The following PBRM1 variants were observed in gnomAD, a reference collection of about 807,000 sequenced individuals.
The protein encoded by PBRM1 is polybromo 1, also known as protein polybromo-1.
PBRM1 carries 27 observed loss-of-function variants against 194.5 expected under a neutral mutation model. The observed-to-expected ratio is 0.14, with a 90% CI of 0.10 to 0.19. PBRM1 has a LOEUF of 0.19. PBRM1 is among the 10% of genes least tolerant of loss of function. PBRM1 has a pLI of 1.00. For synonymous variants in PBRM1, 655 were observed against 693.2 expected, an observed-to-expected ratio of 0.94 and a Z score of 0.87; for missense variants, 1,466 against 2,077.2, an observed-to-expected ratio of 0.71 and a Z score of 5.72.
At position 52,627,269 on chromosome 3, in the gene PBRM1, A is replaced by G; in HGVS notation, c.1541+4T>C. 1 of 1,541,374 alleles carries G rather than the reference A, an allele frequency of 6.5e-7. No homozygotes were observed. The highest frequency in any genetic ancestry group is 9.0e-7 in the Non-Finnish European group (1 of 1,113,606). On this transcript the variant is annotated splice_donor_region_variant and intron_variant, in intron 13 of 29. Transcript: ENST00000296302. ...ATGTCCCCAGCTATAAGAAGAGTAT[A>G]TACCTTTTTCTTTTGGCACTACCAG... is the stretch of plus-strand genomic sequence containing the variant.
intron 22 of PBRM1, among the ~76,000 whole-genome samples, chr3:52,575,595 C>A (rs894861041): frequency 4.3e-5 from 2 of 46,998 alleles, no homozygotes; most frequent in African/African-American, 1.9e-4. Context: ...CTCACTGCAG[C>A]CTCTGCCTCT....
exon 30 of PBRM1, chr3:52,548,050 C>A: frequency 1.3e-6 from 2 of 1,596,634 alleles, no homozygotes; most frequent in African/African-American, 2.7e-5. Context: ...ATAAAAGAAA[C>A]GTAATGATGT....
chr3:52,632,903 G>A (rs963005567), intron 11 of PBRM1, among the ~76,000 whole-genome samples: 8 of 151,824 alleles, frequency 5.3e-5, no homozygotes, highest in East Asian at 1.9e-4. Flanking sequence ...AATGTTGGCC[G>A]GGCTAATCTC....
At chr3:52,627,964 G>A (rs536151241) in intron 12 of PBRM1, among the ~76,000 whole-genome samples, 10 of 152,168 alleles carry the variant, frequency 6.6e-5, no homozygotes, top group African/African-American at 1.9e-4. Context: ...TGCCTTTGTT[G>A]CTTCATTGTT....
At chr3:52,576,777 A>G in intron 21 of PBRM1, 79 bp from the exon 24 acceptor site, 1 of 1,090,056 alleles carries the variant, frequency 9.2e-7, no homozygotes, top group Non-Finnish European at 1.3e-6. Context: ...CGCATTAACC[A>G]AAAACTTAGT....
intron 12 of PBRM1, among the ~76,000 whole-genome samples, chr3:52,628,406 TAATA>T (rs993601808): frequency 1.3e-4 from 19 of 148,838 alleles, no homozygotes; most frequent in South Asian, 1.3e-3. Context: ...ATGAAATACA[TAATA>T]AATATATATT....
intron 17 of PBRM1, among the ~76,000 whole-genome samples, chr3:52,594,609 T>C (rs970790595): frequency 1.3e-5 from 2 of 152,216 alleles, no homozygotes; most frequent in Non-Finnish European, 2.9e-5. Context: ...TTGATATGTA[T>C]GGATCTGATC....
chr3:52,573,669 G>A (rs12632381), intron 22 of PBRM1, among the ~76,000 whole-genome samples: 51,185 of 151,890 alleles, frequency 0.34, 9,579 homozygotes, highest in Admixed American at 0.46. Context: ...TGGAGGAGTA[G>A]TGAGCTCTAA....
intron 10 of PBRM1, among the ~76,000 whole-genome samples, chr3:52,640,762 C>G (rs955339026): frequency 6.6e-6 from 1 of 151,952 alleles, no homozygotes; most frequent in Non-Finnish European, 1.5e-5. Flanking sequence ...CTAAGCCTTC[C>G]GAGTAGCTGA....
rs2096983145 is a variant in PBRM1, at chr3:52,672,909, G to GT, written c.237-4265dup. 4.6e-5 allele frequency among the ~76,000 whole-genome samples: 7 copies of GT among 152,270 alleles called. No individual in the cohort carries two copies. The South Asian group carries it at 1.5e-3, about 32-fold the overall frequency. On this transcript the variant is annotated intron_variant, in intron 2 of 29. Coordinates refer to ENST00000296302, the Ensembl canonical transcript of PBRM1. ...AGTTGTGTGCAAGATGCCTCTCTGT[G>GT]TAATTTAAAAAACTGATCCCTTTTA... is the stretch of plus-strand genomic sequence containing the variant.
At chr3:52,596,129 T>C (rs1445849834) in intron 17 of PBRM1, among the ~76,000 whole-genome samples, 1 of 152,176 alleles carries the variant, frequency 6.6e-6, no homozygotes, top group Non-Finnish European at 1.5e-5. Context: ...TCTGAGTCTT[T>C]TATGGTTCCA....
At chr3:52,593,845 T>C (rs544492937) in intron 17 of PBRM1, among the ~76,000 whole-genome samples, 2 of 152,174 alleles carry the variant, frequency 1.3e-5, no homozygotes, top group Non-Finnish European at 2.9e-5. Flanking sequence ...TTATGTCCAA[T>C]TGTGTGGTTG....
chr3:52,552,315 T>C (rs78235335), intron 27 of PBRM1, among the ~76,000 whole-genome samples: 2,222 of 152,260 alleles, frequency 0.015, 26 homozygotes, highest in Non-Finnish European at 0.025. Context: ...ACAAATGCCA[T>C]ACTTGGGCAG....
At chr3:52,563,450 T>C (rs948355658) in exon 24 of PBRM1, 2 of 1,614,130 alleles carry the variant, frequency 1.2e-6, no homozygotes, top group Non-Finnish European at 8.5e-7. Context: ...TGGATCTTCT[T>C]TTCCAGCAAA....
At chr3:52,641,416 C>T (rs926304820) in intron 10 of PBRM1, among the ~76,000 whole-genome samples, 32 of 126,742 alleles carry the variant, frequency 2.5e-4, no homozygotes, top group Non-Finnish European at 2.8e-4. Flanking sequence ...CACTGCACTC[C>T]AGCCTGGGCA....
exon 28 of PBRM1, chr3:52,550,813 C>A: frequency 6.2e-7 from 1 of 1,605,422 alleles, no homozygotes; most frequent in South Asian, 1.1e-5. Context: ...CTTGGTTCAT[C>A]ACACCTATAA....
chr3:52,551,849 G>C (rs1464458211), intron 27 of PBRM1: 1 of 152,170 alleles, frequency 6.6e-6, no homozygotes, highest in Non-Finnish European at 1.5e-5. Context: ...TCATTCTAAA[G>C]TTCAGAACTG....
intron 3 of PBRM1, 45 bp from the exon 5 acceptor site, chr3:52,662,321 T>C (rs748477129): frequency 6.6e-6 from 10 of 1,521,452 alleles, no homozygotes; most frequent in African/African-American, 1.4e-5. Context: ...TAGTAATGTA[T>C]TGGAAATTAG....
At chr3:52,588,777 C>T (rs1380740530) in intron 18 of PBRM1, among the ~76,000 whole-genome samples, 4 of 151,912 alleles carry the variant, frequency 2.6e-5, no homozygotes, top group East Asian at 1.9e-4. Context: ...AGGATGGTCT[C>T]GATTTCCTGA....
Sources: allele counts gnomAD v4.1 joint callset (sites outside exome capture counted in the v4.1 genomes callset), GRCh38; gene constraint gnomAD v4.1.1; transcripts MANE v1.5; gene names NCBI Gene and HGNC (gene_info 2026-07-23, HGNC 2026-07-21).